The following TANC1 variants were observed in gnomAD, a reference collection of about 807,000 sequenced individuals.
The protein encoded by TANC1 is tetratricopeptide repeat, ankyrin repeat and coiled-coil containing 1.
In TANC1, 77 loss-of-function variants were observed where a neutral mutation model predicts 149.7. The observed-to-expected ratio is 0.51, with a 90% CI of 0.43 to 0.62. TANC1 has a LOEUF of 0.62. Among genes scored for constraint, TANC1 ranks in the 20% least tolerant of loss-of-function variants. The pLI is 0.00. For synonymous variants in TANC1, 854 were observed against 925.0 expected (o/e 0.92, Z 1.39); for missense variants, 1,985 against 2,321.8 (o/e 0.85, Z 2.98).
In TANC1 at chr2:159,185,800, C is replaced by T. The variant is rs765067087; in HGVS notation, c.2520C>T (p.His840=). 30 of 1,613,466 alleles carry T rather than the reference C, an allele frequency of 1.9e-5. No individual in the cohort carries two copies. The highest frequency in any genetic ancestry group is 6.7e-5 in the Admixed American group (4 of 59,972). The change falls in exon 15 of 27, where the codon CAC becomes CAT. Residue 840 remains histidine (H), a synonymous_variant. Coordinates refer to ENST00000263635, the MANE Select transcript of TANC1 (RefSeq NM_033394.3). ...GTATTCCTTCCCCTAGGAACGGGCA[C>T]GCGCTCTTGGCATTCATGTTCTCGC... is the stretch of plus-strand genomic sequence containing the variant. ...TAFLCEPRNG[H]ALLAFMFSRQ...
At chr2:159,010,528 G>A (rs1040152534) in intron 2 of TANC1, among the ~76,000 whole-genome samples, 2 of 152,064 alleles carry the variant, frequency 1.3e-5, no homozygotes, top group Non-Finnish European at 2.9e-5. Context: ...TGGGTGCGTC[G>A]GGGGAGGGCC....
At chr2:159,159,105 C>T (rs766523494) in intron 7 of TANC1, among the ~76,000 whole-genome samples, 1 of 152,076 alleles carries the variant, frequency 6.6e-6, no homozygotes, top group African/African-American at 2.4e-5. Context: ...GGCCCTGGAC[C>T]GACACTGATT....
intron 4 of TANC1, among the ~76,000 whole-genome samples, chr2:159,129,963 C>T (rs1360530748): frequency 1.3e-5 from 2 of 152,148 alleles, no homozygotes; most frequent in Non-Finnish European, 2.9e-5. Flanking sequence ...CCAGCCCACA[C>T]CTTGAACATC....
chr2:159,178,816 T>C lies in TANC1; in HGVS notation c.2163T>C (p.Ile721=), dbSNP rs775241460. Residue 721 remains isoleucine (I), a synonymous_variant, in exon 14 of 27, where the codon ATT becomes ATC. Coordinates refer to ENST00000263635, the MANE Select transcript of TANC1 (RefSeq NM_033394.3). ...TTTTCCAGAGGGGCCACTTGGTCAT[T>C]AAGAGTGCCAGCTACAAGGTGGTGC... is the stretch of plus-strand genomic sequence containing the variant. ...LDLFQRGHLV[I]KSASYKVVPV... 5.0e-6 allele frequency: 8 copies of C among 1,614,194 alleles called. No individual in the cohort carries two copies. The South Asian group carries it at 8.8e-5, about 18-fold the overall frequency.
intron 2 of TANC1, among the ~76,000 whole-genome samples, chr2:159,031,191 G>C (rs1457142989): frequency 6.6e-6 from 1 of 152,194 alleles, no homozygotes; most frequent in Non-Finnish European, 1.5e-5. Flanking sequence ...GTCAGGGCCT[G>C]CCTGTTAAGC....
intron 5 of TANC1, 117 bp from the exon 6 acceptor site, chr2:159,149,025 G>A (rs1020837775): frequency 1.9e-5 from 23 of 1,220,064 alleles, no homozygotes; most frequent in Admixed American, 2.4e-5. Context: ...AACTTTGTGC[G>A]CATTTTATAG....
intron 8 of TANC1, 90 bp downstream of exon 8, chr2:159,163,636 A>T (rs1376823261): frequency 6.8e-7 from 1 of 1,465,082 alleles, no homozygotes; most frequent in African/African-American, 1.4e-5. Context: ...CACTCCAGAT[A>T]CAAGCCAGCT....
chr2:159,136,058 GC>G, intron 4 of TANC1, 135 bp from the exon 5 acceptor site: 1 of 590,862 alleles, frequency 1.7e-6, no homozygotes, highest in Non-Finnish European at 3.1e-6. Flanking sequence ...GTGCGCGCGC[GC>G]GCGTTTAAGG....
chr2:159,184,407 C>G (rs1330704159), intron 14 of TANC1, among the ~76,000 whole-genome samples: 1 of 152,166 alleles, frequency 6.6e-6, no homozygotes, highest in African/African-American at 2.4e-5. Flanking sequence ...GTGGGATGCC[C>G]TGTGCTCAGC....
chr2:159,003,899 G>A, intron 2 of TANC1: 1 of 1,612,850 alleles, frequency 6.2e-7, no homozygotes, highest in Non-Finnish European at 8.5e-7. Context: ...AGGGGGCAAG[G>A]ATACAGCTCG....
At chr2:159,108,377 G>A (rs2047397278) in intron 4 of TANC1, among the ~76,000 whole-genome samples, 1 of 152,176 alleles carries the variant, frequency 6.6e-6, no homozygotes, top group African/African-American at 2.4e-5. Flanking sequence ...AATGATGACT[G>A]GGTTTTATCC....
intron 2 of TANC1, among the ~76,000 whole-genome samples, chr2:159,013,855 G>C (rs990862080): frequency 6.6e-6 from 1 of 152,212 alleles, no homozygotes; most frequent in Non-Finnish European, 1.5e-5. Context: ...GGAAGTCCCA[G>C]ATCAAGCTGT....
At chr2:158,975,786 C>T (rs1385324792) in intron 1 of TANC1, among the ~76,000 whole-genome samples, 1 of 151,646 alleles carries the variant, frequency 6.6e-6, no homozygotes, top group East Asian at 1.9e-4. Flanking sequence ...CACTGTGACT[C>T]AGAACTTCTG....
intron 7 of TANC1, among the ~76,000 whole-genome samples, chr2:159,162,149 G>C (rs2054110233): frequency 6.6e-6 from 1 of 152,190 alleles, no homozygotes; most frequent in Non-Finnish European, 1.5e-5. Flanking sequence ...TATAAACAAA[G>C]CTAAACCCTT....
At chr2:159,151,047 G>A (rs894726650) in intron 7 of TANC1, among the ~76,000 whole-genome samples, 1 of 152,142 alleles carries the variant, frequency 6.6e-6, no homozygotes, top group Non-Finnish European at 1.5e-5. Context: ...TGACCTCCCT[G>A]AGCCCCTACA....
Position 159,231,817 on chromosome 2 carries a change from C to G in TANC1, c.*805C>G, listed in dbSNP as rs2060343583. On this transcript the variant is annotated 3_prime_UTR_variant, in exon 27 of 27. Transcript: ENST00000263635. ...TAGCTCTCACCTGGTTTCCAAACTGCTTTTAACAATGGTAGTGCTCCTGGA... is the reference window on the plus strand; with the variant it reads ...TAGCTCTCACCTGGTTTCCAAACTGGTTTTAACAATGGTAGTGCTCCTGGA... 1 of 152,126 alleles carries G rather than the reference C, an allele frequency of 6.6e-6. No individual in the cohort carries two copies. The highest frequency in any genetic ancestry group is 2.4e-5 in the African/African-American group (1 of 41,430). The allele number at this position is 152,126 out of a possible 1,614,324, so 9.4% of individuals were successfully genotyped here.
intron 4 of TANC1, among the ~76,000 whole-genome samples, chr2:159,116,229 A>G (rs922828721): frequency 1.3e-5 from 2 of 152,174 alleles, no homozygotes; most frequent in African/African-American, 2.4e-5. Flanking sequence ...GTTTGAGAAC[A>G]GCCTGACCAA....
chr2:158,981,496 T>C (rs1448527405), intron 1 of TANC1, among the ~76,000 whole-genome samples: 2 of 11,032 alleles, frequency 1.8e-4, no homozygotes, highest in African/African-American at 4.4e-4. Context: ...AGCTTTTATA[T>C]ATATATATAT....
chr2:159,161,812 C>A (rs1241662996), intron 7 of TANC1, among the ~76,000 whole-genome samples: 1 of 152,208 alleles, frequency 6.6e-6, no homozygotes, highest in Non-Finnish European at 1.5e-5. Context: ...AAAATCAGAT[C>A]CTGAACTCTG....
Sources: gnomAD v4.1 joint callset for allele counts (sites outside exome capture counted in the v4.1 genomes callset) on GRCh38, gnomAD v4.1.1 for gene constraint, MANE v1.5 for transcripts, NCBI Gene and HGNC (gene_info 2026-07-23, HGNC 2026-07-21) for gene names.